The following POU2F1 variants were observed in gnomAD, a reference collection of about 807,000 sequenced individuals.
POU2F1 encodes POU class 2 homeobox 1.
Under a neutral mutation model 84.9 loss-of-function variants are expected in POU2F1, and 16 were observed. The ratio of observed to expected loss-of-function variants is 0.19; its 90% confidence interval spans 0.13 to 0.29. POU2F1 has a LOEUF of 0.29. Among genes scored for constraint, POU2F1 ranks in the 10% least tolerant of loss-of-function variants. POU2F1 has a pLI of 1.00. For missense variants in POU2F1, 738 were observed against 942.6 expected, an observed-to-expected ratio of 0.78 and a Z score of 2.84; for synonymous variants, 368 against 368.3, an observed-to-expected ratio of 1.00 and a Z score of 0.01.
chr1:167,385,708 T>C (rs1175638080), intron 8 of POU2F1, among the ~76,000 whole-genome samples: 1 of 152,220 alleles, frequency 6.6e-6, no homozygotes, highest in African/African-American at 2.4e-5. Flanking sequence ...AAAATCTTTG[T>C]GTCCTTGGGT....
At chr1:167,265,506 G>T (rs1445373873) in intron 1 of POU2F1, among the ~76,000 whole-genome samples, 2 of 152,184 alleles carry the variant, frequency 1.3e-5, no homozygotes, top group East Asian at 1.9e-4. Flanking sequence ...TTCACTAATG[G>T]CAGCAGCATG....
intron 9 of POU2F1, among the ~76,000 whole-genome samples, 199 bp downstream of exon 9, chr1:167,389,960 T>G (rs1000545125): frequency 1.3e-5 from 2 of 152,198 alleles, no homozygotes; most frequent in Non-Finnish European, 2.9e-5. Context: ...AATACAACAA[T>G]TTACATAGCA....
intron 1 of POU2F1, chr1:167,329,154 C>T: frequency 7.1e-7 from 1 of 1,416,322 alleles, no homozygotes; most frequent in Non-Finnish European, 9.3e-7. Context: ...ACGCAACCCC[C>T]CTCTTTTCGC....
intron 1 of POU2F1, among the ~76,000 whole-genome samples, chr1:167,299,643 T>C (rs1279816284): frequency 6.6e-6 from 1 of 151,858 alleles, no homozygotes; most frequent in Non-Finnish European, 1.5e-5. Flanking sequence ...TATCTCTGCA[T>C]ATCTTTTAGA....
Position 167,412,265 on chromosome 1 carries a change from TA to T in POU2F1, c.1865del (p.Asn622ThrfsTer4). The T allele has an allele frequency of 1.3e-6, 2 of 1,578,958 alleles. No homozygotes were observed. The highest frequency in any genetic ancestry group is 1.7e-6 in the Non-Finnish European group (2 of 1,161,426). Reference protein sequence around the residue: ...SLAAMAAAAGLNPSLMAPSQF... With the variant: ...SLAAMAAAAGXNPSLMAPSQF... ...GCTGCCATGGCAGCTGCTGCAGGAC[TA>T]AACCCAAGCCTGATGGCACCCTCAC... is the stretch of plus-strand genomic sequence containing the variant. On this transcript the variant is annotated frameshift_variant, in exon 14 of 16. Transcript: ENST00000367866. LOFTEE classifies it high-confidence loss of function.
At chr1:167,334,507 C>G (rs1211374046) in intron 2 of POU2F1, among the ~76,000 whole-genome samples, 1 of 152,112 alleles carries the variant, frequency 6.6e-6, no homozygotes, top group Non-Finnish European at 1.5e-5. Context: ...GGATTCGCAG[C>G]CCACATGTAA....
In POU2F1 at chr1:167,416,087, T is replaced by TAAAAAAAAAAAAAA. The variant is rs34032944; in HGVS notation, c.*283_*296dup. 123 of 351,640 alleles carry TAAAAAAAAAAAAAA rather than the reference T, an allele frequency of 3.5e-4. No individual in the cohort carries two copies. The highest frequency in any genetic ancestry group is 5.7e-4 in the South Asian group (27 of 47,080). The allele number at this position is 351,640 out of a possible 1,614,324, so 21.8% of individuals were successfully genotyped here. On this transcript the variant is annotated 3_prime_UTR_variant, in exon 16 of 16. Coordinates refer to ENST00000367866, the MANE Select transcript of POU2F1 (RefSeq NM_002697.4). ...ATTGGAGAACTTTCTAACCAAAAAT[T>TAAAAAAAAAAAAAA]AAAAAAAAAAAAAAAAAAAGAAACA...
Position 167,424,160 on chromosome 1 carries a change from A to AAC in POU2F1, c.*8351_*8352insCA, listed in dbSNP as rs1258392023. ...AGTCTGCAGAAGGCACACACTTTGT[A>AAC]AGAGTAGAGTGGACTAGTGCCAGCC... is the stretch of plus-strand genomic sequence containing the variant. On this transcript the variant is annotated 3_prime_UTR_variant, in exon 16 of 16. Coordinates refer to ENST00000367866, the MANE Select transcript of POU2F1 (RefSeq NM_002697.4). 5 of 152,278 alleles carry AAC rather than the reference A, an allele frequency of 3.3e-5. No homozygotes were observed. The highest frequency in any genetic ancestry group is 6.5e-5 in the Admixed American group (1 of 15,284). The allele number at this position is 152,278 out of a possible 1,614,324, so 9.4% of individuals were successfully genotyped here.
intron 1 of POU2F1, among the ~76,000 whole-genome samples, chr1:167,235,703 C>T (rs1263268245): frequency 6.6e-6 from 1 of 152,116 alleles, no homozygotes; most frequent in Non-Finnish European, 1.5e-5. Context: ...TGCTGTTTTT[C>T]CCCCATTGCT....
intron 7 of POU2F1, among the ~76,000 whole-genome samples, chr1:167,377,726 A>G (rs577026256): frequency 1.2e-4 from 19 of 152,360 alleles, no homozygotes; most frequent in African/African-American, 4.3e-4. Context: ...TAGATAAACT[A>G]CATGTCATAG....
intron 1 of POU2F1, among the ~76,000 whole-genome samples, chr1:167,321,148 G>A (rs1011580444): frequency 2.6e-5 from 4 of 152,286 alleles, no homozygotes; most frequent in South Asian, 2.1e-4. Flanking sequence ...TCGAGTGGGG[G>A]CAGCACAAAG....
chr1:167,237,767 T>C (rs879474086), intron 1 of POU2F1, among the ~76,000 whole-genome samples: 2 of 18,002 alleles, frequency 1.1e-4, no homozygotes, highest in African/African-American at 1.6e-4. Context: ...TATATATATA[T>C]ATATATTTTT....
chr1:167,375,740 A>T (rs1371122607), intron 6 of POU2F1, among the ~76,000 whole-genome samples: 3 of 152,224 alleles, frequency 2.0e-5, no homozygotes, highest in Admixed American at 6.5e-5. Flanking sequence ...TTTACATGAT[A>T]AAAAACAGAA....
chr1:167,336,082 T>G (rs1163923330), intron 2 of POU2F1, among the ~76,000 whole-genome samples: 2 of 152,246 alleles, frequency 1.3e-5, no homozygotes, highest in African/African-American at 4.8e-5. Context: ...TTTTATCATC[T>G]ATTACCATGA....
chr1:167,291,042 C>T (rs1395486052), intron 1 of POU2F1, among the ~76,000 whole-genome samples: 1 of 58,244 alleles, frequency 1.7e-5, no homozygotes, highest in Admixed American at 2.3e-4. Flanking sequence ...GAGACCCTGT[C>T]AGAAAAAAAA....
intron 1 of POU2F1, among the ~76,000 whole-genome samples, chr1:167,240,864 C>T (rs975138796): frequency 1.3e-5 from 2 of 152,078 alleles, no homozygotes; most frequent in South Asian, 4.1e-4. Context: ...CTGAAAAGGC[C>T]GGGCGCGGTG....
At chr1:167,314,736 T>C (rs1442478503) in intron 1 of POU2F1, among the ~76,000 whole-genome samples, 1 of 152,162 alleles carries the variant, frequency 6.6e-6, no homozygotes, top group Non-Finnish European at 1.5e-5. Context: ...ATCACACCAC[T>C]GAACTCCAGC....
intron 5 of POU2F1, among the ~76,000 whole-genome samples, chr1:167,372,441 T>G (rs12568429): frequency 6.6e-6 from 1 of 152,216 alleles, no homozygotes; most frequent in East Asian, 1.9e-4. Context: ...AAAAACATTT[T>G]TCTTTAAGTT....
intron 1 of POU2F1, among the ~76,000 whole-genome samples, chr1:167,317,914 G>A (rs954119139): frequency 4.6e-5 from 7 of 152,160 alleles, no homozygotes; most frequent in Non-Finnish European, 8.8e-5. Context: ...GCTACTTCTC[G>A]CAGGAGTCGG....
Sources: gnomAD v4.1 joint callset for allele counts (sites outside exome capture counted in the v4.1 genomes callset) on GRCh38, gnomAD v4.1.1 for gene constraint, MANE v1.5 for transcripts, NCBI Gene and HGNC (gene_info 2026-07-23, HGNC 2026-07-21) for gene names.